RANBP17: variants seen among roughly 807,000 people sequenced by gnomAD.
The protein encoded by RANBP17 is ran-binding protein 17.
A neutral mutation model predicts 141.2 loss-of-function variants in RANBP17; 158 were observed. The ratio of observed to expected loss-of-function variants is 1.12; its 90% CI spans 0.98 to 1.28. RANBP17 has a LOEUF of 1.28. Among genes scored for constraint, RANBP17 ranks in the 50% most tolerant of loss-of-function variants. RANBP17 has a pLI of 0.00. For missense variants in RANBP17, 1,438 were observed against 1,290.7 expected, an observed-to-expected ratio of 1.11 and a Z score of -1.75; for synonymous variants, 430 against 450.0, an observed-to-expected ratio of 0.96 and a Z score of 0.56.
chr5:171,237,847 G>T (rs1764634468), intron 22 of RANBP17, among the ~76,000 whole-genome samples: 1 of 152,152 alleles, frequency 6.6e-6, no homozygotes, highest in Admixed American at 6.6e-5. Flanking sequence ...GACAAGGAGG[G>T]ATATCATACC....
intron 14 of RANBP17, among the ~76,000 whole-genome samples, chr5:171,024,065 C>T (rs942107524): frequency 6.6e-6 from 1 of 152,122 alleles, no homozygotes; most frequent in African/African-American, 2.4e-5. Context: ...GACATTCCTT[C>T]TTTAGATGCT....
intron 14 of RANBP17, among the ~76,000 whole-genome samples, chr5:171,053,736 G>C (rs1184823548): frequency 6.6e-6 from 1 of 150,996 alleles, no homozygotes; most frequent in Non-Finnish European, 1.5e-5. Flanking sequence ...AATTGCTCTA[G>C]CCAGGACTTC....
rs368142703 is a variant in RANBP17 at position 171,215,090 on chromosome 5, T to C, written c.2339+1352T>C. 1.3e-3 allele frequency among the ~76,000 whole-genome samples: 190 copies of C among 151,368 alleles called. 8 individuals are homozygous for C. In the South Asian group the frequency reaches 0.039, roughly 31 times the overall value. The stretch of plus-strand genomic sequence containing the variant: ...CCCCAACAGGCCCCGGTGTGTGATG[T>C]TCCCCTACCTGTGTCCATGTGATCT... On this transcript the variant is annotated intron_variant, in intron 21 of 27. Transcript: ENST00000523189.
chr5:171,245,722 G>A lies in RANBP17; in HGVS notation c.2776+2902G>A, dbSNP rs549623047. On this transcript the variant is annotated intron_variant, in intron 24 of 27. Coordinates refer to ENST00000523189, the MANE Select transcript of RANBP17 (RefSeq NM_022897.5). ...GGCAACTCTTATTTTGGAGTAACTG[G>A]GCCCCACCACTAAAGTGTTAACCTT... 3.9e-5 allele frequency among the ~76,000 whole-genome samples: 6 copies of A among 152,118 alleles called. No homozygotes were observed. In the East Asian group the frequency reaches 1.2e-3, roughly 29 times the overall value.
chr5:171,122,677 C>T (rs902397347), intron 14 of RANBP17, among the ~76,000 whole-genome samples: 5 of 152,208 alleles, frequency 3.3e-5, no homozygotes, highest in Admixed American at 2.6e-4. Flanking sequence ...CATTGGAGTG[C>T]CCCTTGGCCT....
intron 14 of RANBP17, among the ~76,000 whole-genome samples, chr5:171,037,912 T>C (rs1781988092): frequency 6.6e-6 from 1 of 152,206 alleles, no homozygotes; most frequent in Non-Finnish European, 1.5e-5. Context: ...TCAGGCTCTT[T>C]CTGTTCTGTA....
chr5:170,867,721 A>G (rs186556893), intron 1 of RANBP17, among the ~76,000 whole-genome samples: 11 of 152,378 alleles, frequency 7.2e-5, no homozygotes, highest in Admixed American at 1.3e-4. Flanking sequence ...TCCTGAAACA[A>G]AAACATTTAT....
chr5:171,132,399 G>A (rs1373609097), intron 14 of RANBP17, among the ~76,000 whole-genome samples: 1 of 150,392 alleles, frequency 6.6e-6, no homozygotes, highest in Non-Finnish European at 1.5e-5. Flanking sequence ...TTAATTGTCT[G>A]CAGGGACAAG....
chr5:170,927,164 G>A (rs1398111833), intron 12 of RANBP17, among the ~76,000 whole-genome samples: 1 of 152,000 alleles, frequency 6.6e-6, no homozygotes, highest in Non-Finnish European at 1.5e-5. Context: ...TAATGTATTT[G>A]TAATTCTGCA....
At chr5:171,078,028 G>A (rs1476223579) in intron 14 of RANBP17, among the ~76,000 whole-genome samples, 1 of 152,226 alleles carries the variant, frequency 6.6e-6, no homozygotes, top group East Asian at 1.9e-4. Flanking sequence ...GCAAGGTGGA[G>A]CAGCAAGTGC....
rs542213195 is a variant in RANBP17 at position 170,957,107 on chromosome 5, A to ACACGCG, written c.1574+3406_1574+3407insACGCGC. Among the ~76,000 whole-genome samples the ACACGCG allele has an allele frequency of 1.2e-4, 18 of 150,534 alleles. No individual in the cohort carries two copies. In the South Asian group the frequency reaches 1.3e-3, roughly 11 times the overall value. ...CACACACACACACACACACACACAC[A>ACACGCG]CGCGCACACTGCCACTATCTCGTGA... On this transcript the variant is annotated intron_variant, in intron 13 of 27. Transcript: ENST00000523189.
At chr5:171,262,106 C>A (rs559248234) in intron 24 of RANBP17, among the ~76,000 whole-genome samples, 1 of 152,260 alleles carries the variant, frequency 6.6e-6, no homozygotes, top group Admixed American at 6.5e-5. Context: ...TTTAATGCAA[C>A]CTGCATGGCA....
intron 25 of RANBP17, among the ~76,000 whole-genome samples, chr5:171,292,255 G>A (rs1457388605): frequency 2.6e-5 from 4 of 152,208 alleles, no homozygotes; most frequent in African/African-American, 9.7e-5. Flanking sequence ...GATTTCATTT[G>A]CAACCAGCCT....
chr5:171,009,824 A>C (rs1561983758), intron 14 of RANBP17, among the ~76,000 whole-genome samples: 1 of 152,334 alleles, frequency 6.6e-6, no homozygotes, highest in Admixed American at 6.5e-5. Flanking sequence ...AAAGAAAAAG[A>C]AACACTGTTT....
chr5:170,889,681 G>C (rs1769440503), intron 3 of RANBP17, among the ~76,000 whole-genome samples: 1 of 152,084 alleles, frequency 6.6e-6, no homozygotes, highest in South Asian at 2.1e-4. Context: ...TGTTATATAG[G>C]CTTTTGACAC....
At chr5:170,954,464 A>AT (rs1255159618) in intron 13 of RANBP17, among the ~76,000 whole-genome samples, 1 of 151,158 alleles carries the variant, frequency 6.6e-6, no homozygotes, top group African/African-American at 2.4e-5. Context: ...TAAGGAATTT[A>AT]TTTTTTTAAA....
chr5:171,028,840 CT>C (rs1581438602), intron 14 of RANBP17: 27 of 1,150,142 alleles, frequency 2.3e-5, no homozygotes, highest in Middle Eastern at 2.3e-4. Context: ...GCCACTGTAC[CT>C]TTTTTTTCTT....
At chr5:170,909,629 T>C in intron 5 of RANBP17, 32 bp from the exon 6 acceptor site, 1 of 991,486 alleles carries the variant, frequency 1.0e-6, no homozygotes. Flanking sequence ...TTCATAGGTC[T>C]GGTTAAACTA....
chr5:170,885,384 A>G (rs1283497652), intron 3 of RANBP17, among the ~76,000 whole-genome samples: 1 of 152,224 alleles, frequency 6.6e-6, no homozygotes, highest in African/African-American at 2.4e-5. Flanking sequence ...CATAGGAGAT[A>G]GTGACTACAC....
Sources: gnomAD v4.1 joint callset for allele counts (sites outside exome capture counted in the v4.1 genomes callset) on GRCh38, gnomAD v4.1.1 for gene constraint, MANE v1.5 for transcripts, NCBI Gene and HGNC (gene_info 2026-07-23, HGNC 2026-07-21) for gene names.